CDK6: variants seen among roughly 807,000 people sequenced by gnomAD.
CDK6 encodes the protein cyclin dependent kinase 6.
In CDK6, 6 loss-of-function variants were observed where a neutral mutation model predicts 37.1. The ratio of observed to expected loss-of-function variants is 0.16; its 90% CI spans 0.09 to 0.32. The LOEUF (loss-of-function observed/expected upper bound fraction) is 0.32, where lower values mean the gene tolerates loss of function less well. Ranked by LOEUF, CDK6 falls within the 10% of genes least tolerant of loss-of-function variation. The probability of loss-of-function intolerance (pLI) is 1.00; values close to 1 mark genes in which losing one functional copy is unlikely to be tolerated. For missense variants in CDK6, 224 were observed against 418.9 expected (o/e 0.53, Z 4.06); for synonymous variants, 160 against 161.3 (o/e 0.99, Z 0.06).
chr7:92,715,050 G>T (rs1585422587), intron 4 of CDK6, among the ~76,000 whole-genome samples: 1 of 152,102 alleles, frequency 6.6e-6, no homozygotes, highest in Non-Finnish European at 1.5e-5. Flanking sequence ...GTTACATAAG[G>T]TGCAGATAGT....
chr7:92,659,584 T>C (rs1478579010), intron 5 of CDK6, among the ~76,000 whole-genome samples: 2 of 150,810 alleles, frequency 1.3e-5, no homozygotes, highest in Admixed American at 6.6e-5. Context: ...GAAAAAGGAA[T>C]AGCAGGGTAG....
At chr7:92,689,892 C>CT (rs997739608) in intron 4 of CDK6, among the ~76,000 whole-genome samples, 2 of 152,220 alleles carry the variant, frequency 1.3e-5, no homozygotes, top group African/African-American at 4.8e-5. Context: ...TGATGTTGAG[C>CT]TTTTTTTCGT....
At chr7:92,785,640 A>G (rs1800111525) in intron 2 of CDK6, among the ~76,000 whole-genome samples, 1 of 152,160 alleles carries the variant, frequency 6.6e-6, no homozygotes, top group South Asian at 2.1e-4. Flanking sequence ...AGTAGTGGAG[A>G]TGGGCTTTGA....
intron 3 of CDK6, among the ~76,000 whole-genome samples, chr7:92,744,331 C>G (rs775049175): frequency 6.6e-6 from 1 of 152,054 alleles, no homozygotes. Context: ...ATAATGAAAG[C>G]CAAGCAAAAT....
At position 92,607,800 on chromosome 7, in the gene CDK6, C is replaced by G. The variant is rs1490619899; in HGVS notation, c.*7340G>C. ...TTCCATGTACTAACTAATATATTTA[C>G]TACAGGTAATAGGAAAACAAATGAA... On this transcript the variant is annotated 3_prime_UTR_variant, in exon 8 of 8. Coordinates refer to ENST00000424848, the MANE Select transcript of CDK6 (RefSeq NM_001145306.2). The G allele has an allele frequency of 4.5e-6, 1 of 224,704 alleles. No individual in the cohort carries two copies. The highest frequency in any genetic ancestry group is 8.9e-6 in the Non-Finnish European group (1 of 112,932). The allele number at this position is 224,704 out of a possible 1,614,324, so 13.9% of individuals were successfully genotyped here. A position where few individuals can be genotyped will look rare whatever the true frequency, so the allele number is the denominator to read the frequency against.
At chr7:92,800,939 T>C (rs1800556548) in intron 2 of CDK6, among the ~76,000 whole-genome samples, 1 of 152,202 alleles carries the variant, frequency 6.6e-6, no homozygotes, top group Non-Finnish European at 1.5e-5. Context: ...AAGGCTCTAC[T>C]TAATTTTCCA....
At chr7:92,729,974 G>C (rs763822629) in intron 3 of CDK6, among the ~76,000 whole-genome samples, 1 of 152,130 alleles carries the variant, frequency 6.6e-6, no homozygotes, top group Non-Finnish European at 1.5e-5. Context: ...TCCTGGCCTC[G>C]AGCCATGAAT....
At chr7:92,662,794 G>A (rs1297446612) in intron 5 of CDK6, among the ~76,000 whole-genome samples, 1 of 152,182 alleles carries the variant, frequency 6.6e-6, no homozygotes, top group Non-Finnish European at 1.5e-5. Flanking sequence ...CATGCCATTA[G>A]GACTGGGGAG....
At chr7:92,744,642 T>C (rs1202745518) in intron 3 of CDK6, among the ~76,000 whole-genome samples, 1 of 152,208 alleles carries the variant, frequency 6.6e-6, no homozygotes, top group Non-Finnish European at 1.5e-5. Context: ...TCATACACTA[T>C]TAATCAGGTA....
chr7:92,779,016 T>C (rs1209326595), intron 2 of CDK6, among the ~76,000 whole-genome samples: 1 of 150,626 alleles, frequency 6.6e-6, no homozygotes, highest in South Asian at 2.1e-4. Context: ...AAAGTGATCC[T>C]AAAATACTGC....
At chr7:92,751,001 GAATTGAT>G (rs1337536762) in intron 3 of CDK6, among the ~76,000 whole-genome samples, 1 of 152,082 alleles carries the variant, frequency 6.6e-6, no homozygotes, top group Non-Finnish European at 1.5e-5. Context: ...ATCATTACAA[GAATTGAT>G]AATAAAAGTT....
At position 92,660,996 on chromosome 7, in the gene CDK6, A is replaced by G. The variant is rs1796822120; in HGVS notation, c.647+10430T>C. ...TAAACACCTAGGTTTGGGAGAAGGG[A>G]GATGAAGAGCCAGCAAAGGGGATAT... On this transcript the variant is annotated intron_variant, in intron 5 of 7. Transcript: ENST00000424848. Among the ~76,000 whole-genome samples the G allele has an allele frequency of 2.0e-5, 3 of 152,274 alleles. No homozygotes were observed. In the South Asian group the frequency reaches 6.2e-4, roughly 32 times the overall value.
At chr7:92,761,664 C>T (rs987947624) in intron 3 of CDK6, among the ~76,000 whole-genome samples, 4 of 152,114 alleles carry the variant, frequency 2.6e-5, no homozygotes, top group African/African-American at 9.7e-5. Flanking sequence ...ATTTATTTTA[C>T]TTTGAAACCT....
intron 3 of CDK6, among the ~76,000 whole-genome samples, chr7:92,728,500 T>C (rs1798565477): frequency 6.6e-6 from 1 of 152,236 alleles, no homozygotes; most frequent in Non-Finnish European, 1.5e-5. Context: ...AATGGCTGCA[T>C]GGTTTTTCAC....
At chr7:92,786,107 T>C (rs1380244817) in intron 2 of CDK6, among the ~76,000 whole-genome samples, 1 of 152,202 alleles carries the variant, frequency 6.6e-6, no homozygotes, top group East Asian at 1.9e-4. Flanking sequence ...TGGACAACTT[T>C]CAACATTTAG....
intron 4 of CDK6, among the ~76,000 whole-genome samples, chr7:92,709,235 C>CT (rs1013620126): frequency 5.3e-5 from 8 of 151,876 alleles, no homozygotes; most frequent in African/African-American, 1.2e-4. Flanking sequence ...TAGTAGACTG[C>CT]TTTTTTTTAG....
intron 3 of CDK6, among the ~76,000 whole-genome samples, chr7:92,740,693 T>C (rs1798901211): frequency 6.6e-6 from 1 of 152,246 alleles, no homozygotes; most frequent in African/African-American, 2.4e-5. Context: ...CATATTCATT[T>C]ACTCATTCTA....
chr7:92,830,583 A>C (rs932608937), intron 2 of CDK6, among the ~76,000 whole-genome samples: 10 of 152,238 alleles, frequency 6.6e-5, no homozygotes, highest in African/African-American at 9.6e-5. Flanking sequence ...ATTGCTGTCA[A>C]CTGTCCTTAT....
At chr7:92,760,511 C>T (rs1199688969) in intron 3 of CDK6, among the ~76,000 whole-genome samples, 2 of 152,076 alleles carry the variant, frequency 1.3e-5, no homozygotes, top group South Asian at 2.1e-4. Flanking sequence ...TAATAGAGGG[C>T]ATTCCCCAAT....
Sources: gnomAD v4.1 joint callset for allele counts (sites outside exome capture counted in the v4.1 genomes callset) on GRCh38, gnomAD v4.1.1 for gene constraint, MANE v1.5 for transcripts, NCBI Gene and HGNC (gene_info 2026-07-23, HGNC 2026-07-21) for gene names.